Variants in COL21A1 observed in about 807,000 individuals in gnomAD.
COL21A1 encodes collagen type XXI alpha 1 chain.
Under a neutral mutation model 137.9 loss-of-function variants are expected in COL21A1, and 149 were observed. The observed-to-expected ratio is 1.08, with a 90% CI of 0.95 to 1.24. COL21A1 has a LOEUF of 1.24. Ranked by LOEUF, COL21A1 falls within the 50% of genes most tolerant of loss-of-function variation. The pLI is 0.00. For missense variants in COL21A1, 1,167 were observed against 1,158.4 expected (o/e 1.01, Z -0.11); for synonymous variants, 456 against 391.5 (o/e 1.16, Z -1.95).
intron 1 of COL21A1, among the ~76,000 whole-genome samples, chr6:56,347,736 T>A (rs1175947559): frequency 6.6e-6 from 1 of 152,096 alleles, no homozygotes; most frequent in Non-Finnish European, 1.5e-5. Flanking sequence ...CTTTTGGGAT[T>A]TAGAAAATCT....
At chr6:56,151,163 T>A (rs1423335418) in intron 10 of COL21A1, among the ~76,000 whole-genome samples, 1 of 152,090 alleles carries the variant, frequency 6.6e-6, no homozygotes, top group Non-Finnish European at 1.5e-5. Flanking sequence ...GAGGCGGAGC[T>A]TGCAGTGAGC....
At chr6:56,215,409 T>A (rs1780420870) in intron 1 of COL21A1, among the ~76,000 whole-genome samples, 1 of 152,086 alleles carries the variant, frequency 6.6e-6, no homozygotes, top group South Asian at 2.1e-4. Flanking sequence ...GGGTCCACAA[T>A]CCTCACCTGG....
At chr6:56,336,110 G>GTC (rs1765325958) in intron 1 of COL21A1, among the ~76,000 whole-genome samples, 1 of 152,168 alleles carries the variant, frequency 6.6e-6, no homozygotes, top group African/African-American at 2.4e-5. Context: ...ACTCACTGAA[G>GTC]ACCCCCAGAT....
intron 1 of COL21A1, among the ~76,000 whole-genome samples, chr6:56,322,398 A>G (rs1476087523): frequency 1.3e-5 from 2 of 152,130 alleles, no homozygotes; most frequent in Admixed American, 1.3e-4. Flanking sequence ...AAGCGTCTCA[A>G]CAACTTTTTG....
At chr6:56,176,868 G>C in intron 3 of COL21A1, among the ~76,000 whole-genome samples, 1 of 142,390 alleles carries the variant, frequency 7.0e-6, no homozygotes. Context: ...AGAGGAAAGG[G>C]GAGGAAAGAG....
chr6:56,129,699 T>TGAGA lies in COL21A1; in HGVS notation c.1543-3554_1543-3551dup, dbSNP rs3065909. 3.6e-3 allele frequency among the ~76,000 whole-genome samples: 428 copies of TGAGA among 120,348 alleles called. 3 individuals carry two copies. The highest frequency in any genetic ancestry group is 9.8e-3 in the South Asian group (34 of 3,474). 79.0% of individuals were successfully genotyped at this position (120,348 alleles called of 152,430 possible). On this transcript the variant is annotated intron_variant, in intron 12 of 29. Transcript: ENST00000244728. ...GCGTGTGTGTGTGTGTGTGTGTGTG[T>TGAGA]GAGAGAGAGAGAGAGAGAGAGAGAC...
In COL21A1 at chr6:56,197,788, T is replaced by C. The variant is rs78697851; in HGVS notation, c.-38-15132A>G. ...TTGGTACAGCCATTATGAAAAATAG[T>C]ATAGAGGTTCCTCAAAAAAATTAAA... On this transcript the variant is annotated intron_variant, in intron 1 of 29. Coordinates refer to ENST00000244728, the MANE Select transcript of COL21A1 (RefSeq NM_030820.4). Among the ~76,000 whole-genome samples the C allele has an allele frequency of 4.6e-3, 698 of 152,228 alleles. 22 individuals carry two copies. In the East Asian group the frequency reaches 0.088, roughly 19 times the overall value.
intron 3 of COL21A1, among the ~76,000 whole-genome samples, chr6:56,176,476 A>G (rs940997054): frequency 6.6e-6 from 1 of 152,110 alleles, no homozygotes; most frequent in Non-Finnish European, 1.5e-5. Context: ...ACATTTCTCC[A>G]AAAATGACAC....
chr6:56,320,518 A>AACACACACACACAC (rs55942460), intron 1 of COL21A1, among the ~76,000 whole-genome samples: 1 of 149,492 alleles, frequency 6.7e-6, no homozygotes, highest in African/African-American at 2.5e-5. Flanking sequence ...ACACAATCTG[A>AACACACACACACAC]ACACACACAC....
intron 27 of COL21A1, 166 bp downstream of exon 27, chr6:56,060,575 A>G: frequency 1.9e-6 from 1 of 525,258 alleles, no homozygotes; most frequent in Non-Finnish European, 3.3e-6. Context: ...AAGAGTATAT[A>G]TGATAAATCT....
intron 16 of COL21A1, among the ~76,000 whole-genome samples, chr6:56,113,258 A>T (rs1273081229): frequency 1.3e-5 from 2 of 152,178 alleles, no homozygotes; most frequent in Non-Finnish European, 2.9e-5. Context: ...CTAACCCCAG[A>T]CTGCAAAGCT....
chr6:56,315,606 TG>T (rs1215802145), intron 1 of COL21A1, among the ~76,000 whole-genome samples: 1 of 152,026 alleles, frequency 6.6e-6, no homozygotes, highest in African/African-American at 2.4e-5. Context: ...TAGCTTCCTT[TG>T]AGACTTTTCT....
intron 1 of COL21A1, among the ~76,000 whole-genome samples, chr6:56,285,985 C>A (rs186823542): frequency 5.5e-4 from 84 of 151,956 alleles, no homozygotes; most frequent in Non-Finnish European, 1.1e-3. Flanking sequence ...GCCTTTTATA[C>A]GGGCAGTTAA....
At chr6:56,347,667 C>T (rs1765625914) in intron 1 of COL21A1, among the ~76,000 whole-genome samples, 1 of 152,116 alleles carries the variant, frequency 6.6e-6, no homozygotes, top group African/African-American at 2.4e-5. Flanking sequence ...GGTCAGAACC[C>T]ACTCATTGCA....
intron 16 of COL21A1, among the ~76,000 whole-genome samples, chr6:56,105,203 T>C (rs1422543460): frequency 6.6e-6 from 1 of 152,172 alleles, no homozygotes; most frequent in Non-Finnish European, 1.5e-5. Flanking sequence ...CTGTGCATGT[T>C]TAACTAAATC....
At chr6:56,260,294 T>C (rs1763219787) in intron 1 of COL21A1, among the ~76,000 whole-genome samples, 1 of 151,976 alleles carries the variant, frequency 6.6e-6, no homozygotes, top group Non-Finnish European at 1.5e-5. Context: ...ACAGAAAACA[T>C]GGAATCTGGC....
chr6:56,083,425 T>G (rs962264057), intron 17 of COL21A1, among the ~76,000 whole-genome samples: 1 of 151,994 alleles, frequency 6.6e-6, no homozygotes, highest in African/African-American at 2.4e-5. Context: ...CTCTGTATTT[T>G]TCCACTTTCA....
intron 1 of COL21A1, among the ~76,000 whole-genome samples, chr6:56,383,853 G>A (rs79720336): frequency 0.018 from 2,742 of 152,226 alleles, 67 homozygotes; most frequent in African/African-American, 0.052. Flanking sequence ...AACAGGTCTC[G>A]AGAAGAGATA....
chr6:56,096,198 C>T (rs1769310732), intron 17 of COL21A1, among the ~76,000 whole-genome samples: 1 of 151,750 alleles, frequency 6.6e-6, no homozygotes, highest in African/African-American at 2.4e-5. Context: ...CCTACAGCCT[C>T]ATGTAAGGTT....
Sources: gnomAD v4.1 joint callset for allele counts (sites outside exome capture counted in the v4.1 genomes callset) on GRCh38, gnomAD v4.1.1 for gene constraint, MANE v1.5 for transcripts, NCBI Gene and HGNC (gene_info 2026-07-23, HGNC 2026-07-21) for gene names.